ZSCAN16: variants seen among roughly 807,000 people sequenced by gnomAD.
ZSCAN16 encodes the protein zinc finger and SCAN domain-containing protein 16.
ZSCAN16 carries 15 observed loss-of-function variants against 19.4 expected under a neutral mutation model. That is an observed-to-expected ratio of 0.77 (90% CI 0.52 to 1.19). The LOEUF is 1.19. Among genes scored for constraint, ZSCAN16 ranks in the 50% most tolerant of loss-of-function variants. The probability of loss-of-function intolerance (pLI) is 0.00; values close to 1 mark genes in which losing one functional copy is unlikely to be tolerated. For missense variants in ZSCAN16, 327 were observed against 415.7 expected, an observed-to-expected ratio of 0.79 and a Z score of 1.86; for synonymous variants, 138 against 146.5, an observed-to-expected ratio of 0.94 and a Z score of 0.42.
intron 3 of ZSCAN16, 62 bp from the exon 4 acceptor site, chr6:28,129,368 A>G (rs1764987883): frequency 3.5e-5 from 53 of 1,523,588 alleles, no homozygotes; most frequent in Non-Finnish European, 4.5e-5. Flanking sequence ...TCTTTCTTCC[A>G]TAGGCTGTTT....
At chr6:28,127,444 G>A (rs947157382) in intron 3 of ZSCAN16, among the ~76,000 whole-genome samples, 2 of 152,154 alleles carry the variant, frequency 1.3e-5, no homozygotes, top group Non-Finnish European at 2.9e-5. Context: ...CACTCCTGGT[G>A]TCTCTTCCTC....
chr6:28,129,367 C>T, intron 3 of ZSCAN16, 63 bp from the exon 4 acceptor site: 5 of 1,519,602 alleles, frequency 3.3e-6, no homozygotes, highest in South Asian at 2.7e-5. Context: ...TTCTTTCTTC[C>T]ATAGGCTGTT....
chr6:28,129,184 T>A (rs1425768319), intron 3 of ZSCAN16, among the ~76,000 whole-genome samples: 1 of 152,172 alleles, frequency 6.6e-6, no homozygotes, highest in African/African-American at 2.4e-5. Context: ...TTTCTTCTCT[T>A]AATCTACTCT....
rs906976185 is a variant in ZSCAN16, at chr6:28,125,964, T to C, written c.387+134T>C. On this transcript the variant is annotated intron_variant, in intron 2 of 3. Coordinates refer to ENST00000340487, the MANE Select transcript of ZSCAN16 (RefSeq NM_025231.3). This position sits in a 1 kb window ranked among gnomAD's most constrained non-coding sequence, Gnocchi z 6.2. Reference sequence around the variant, plus strand: ...GCATAGGAAGGGACCTGACTACCTATGTCAAATAATTAAAGTGTGGCTGGG... The same window carrying C: ...GCATAGGAAGGGACCTGACTACCTACGTCAAATAATTAAAGTGTGGCTGGG... 5 of 676,590 alleles carry C rather than the reference T, an allele frequency of 7.4e-6. No homozygotes were observed. The highest frequency in any genetic ancestry group is 2.8e-5 in the East Asian group (1 of 36,268). The allele number at this position is 676,590 out of a possible 1,614,324, so 41.9% of individuals were successfully genotyped here. A position where few individuals can be genotyped will look rare whatever the true frequency, so the allele number is the denominator to read the frequency against.
Position 28,129,427 on chromosome 6 carries a change from C to G in ZSCAN16, c.527-3C>G, listed in dbSNP as rs777771536. On this transcript the variant is annotated splice_polypyrimidine_tract_variant and splice_region_variant and intron_variant, in intron 3 of 3. Coordinates refer to ENST00000340487, the MANE Select transcript of ZSCAN16 (RefSeq NM_025231.3). Reference sequence around the variant, plus strand: ...CCGTTTGTGTACTGTTTGTTTGTTACAGGTGATAAAACTAGGACTAAGAAT... The same window carrying G: ...CCGTTTGTGTACTGTTTGTTTGTTAGAGGTGATAAAACTAGGACTAAGAAT... 5 of 1,598,596 alleles carry G rather than the reference C, an allele frequency of 3.1e-6. No homozygotes were observed. Among genetic ancestry groups the G allele is most frequent in the Non-Finnish European group, 3.4e-6 (4 of 1,172,724 alleles).
At position 28,125,414 on chromosome 6, in the gene ZSCAN16, T is replaced by G; in HGVS notation, c.-30T>G. On this transcript the variant is annotated splice_region_variant and 5_prime_UTR_variant, in exon 2 of 4. Transcript: ENST00000340487. The surrounding 1 kb of genome is among the most constrained non-coding windows in gnomAD (Gnocchi z 6.2). ...AGATTCTCTTTGACTCAATCCCAGATAGAGGATAAATCTCCTGGCAAAGCC... is the reference window on the plus strand; with the variant it reads ...AGATTCTCTTTGACTCAATCCCAGAGAGAGGATAAATCTCCTGGCAAAGCC... 6.3e-7 allele frequency: 1 copy of G among 1,591,660 alleles called. No individual in the cohort carries two copies. The highest frequency in any genetic ancestry group is 8.5e-7 in the Non-Finnish European group (1 of 1,169,854).
In ZSCAN16 at chr6:28,125,731, C is replaced by A. The variant is rs1177267799; in HGVS notation, c.288C>A (p.Asp96Glu). ...AGTTCCTGAGCATTCTTCCTAAAGA[C>A]CTGCAAGCATGGGTGCGTGCACACC... ...LEQFLSILPK[D>E]LQAWVRAHHP... Residue 96 changes from aspartate (D) to glutamate (E), a missense_variant, in exon 2 of 4, where the codon GAC (aspartate) becomes GAA (glutamate). Physicochemically the swap from Asp to Glu is conservative, Grantham distance 45. Transcript: ENST00000340487. The surrounding 1 kb of genome is among the most constrained non-coding windows in gnomAD (Gnocchi z 6.2). 5.0e-6 allele frequency: 8 copies of A among 1,614,216 alleles called. No homozygotes were observed. Among genetic ancestry groups the A allele is most frequent in the South Asian group, 1.1e-5 (1 of 91,084 alleles).
chr6:28,127,441 G>A (rs192955156), intron 3 of ZSCAN16, among the ~76,000 whole-genome samples: 1 of 152,174 alleles, frequency 6.6e-6, no homozygotes, highest in African/African-American at 2.4e-5. Flanking sequence ...ACACACTCCT[G>A]GTGTCTCTTC....
Position 28,125,416 on chromosome 6 carries a change from G to T in ZSCAN16, c.-28G>T. The T allele has an allele frequency of 6.3e-7, 1 of 1,592,940 alleles. No individual in the cohort carries two copies. Among genetic ancestry groups the T allele is most frequent in the Non-Finnish European group, 8.5e-7 (1 of 1,170,426 alleles). ...ATTCTCTTTGACTCAATCCCAGATA[G>T]AGGATAAATCTCCTGGCAAAGCCCA... On this transcript the variant is annotated 5_prime_UTR_variant, in exon 2 of 4. Transcript: ENST00000340487. This position sits in a 1 kb window ranked among gnomAD's most constrained non-coding sequence, Gnocchi z 6.2.
At chr6:28,129,240 C>A (rs570786354) in intron 3 of ZSCAN16, 190 bp from the exon 4 acceptor site, 1 of 286,662 alleles carries the variant, frequency 3.5e-6, no homozygotes, top group Non-Finnish European at 5.2e-6. Context: ...TTAATTTCTT[C>A]CTTACATTGT....
In ZSCAN16 at chr6:28,125,522, T is replaced by G. The variant is rs756657160; in HGVS notation, c.79T>G (p.Ser27Ala). 6.2e-7 allele frequency: 1 copy of G among 1,614,192 alleles called. No individual in the cohort carries two copies. Among genetic ancestry groups the G allele is most frequent in the African/African-American group, 1.3e-5 (1 of 75,050 alleles). ...AGAGGACCATTACTGGGGACAGGAT[T>G]CCAGCTCACAAAAGTGCAGTCCTCA... ...KAEDHYWGQD[S>A]SSQKCSPHRR... Residue 27 changes from serine (S) to alanine (A), a missense_variant, in exon 2 of 4, where the codon TCC (serine) becomes GCC (alanine). Ser to Ala is a moderately conservative substitution (Grantham distance 99, BLOSUM62 1). Coordinates refer to ENST00000340487, the MANE Select transcript of ZSCAN16 (RefSeq NM_025231.3). The surrounding 1 kb of genome is among the most constrained non-coding windows in gnomAD (Gnocchi z 6.2).
At position 28,125,553 on chromosome 6, in the gene ZSCAN16, G is replaced by C; in HGVS notation, c.110G>C (p.Arg37Thr). Residue 37 changes from arginine (R) to threonine (T), a missense_variant, in exon 2 of 4, where the codon AGG becomes ACG. Arg to Thr is a moderately conservative substitution (Grantham distance 71). Transcript: ENST00000340487. The surrounding 1 kb of genome is among the most constrained non-coding windows in gnomAD (Gnocchi z 6.2). ...TCACAAAAGTGCAGTCCTCACAGGA[G>C]GGAACTCTATAGACAACACTTCAGG... ...SSSQKCSPHR[R>T]ELYRQHFRKL... is the part of the protein sequence containing the mutation. 5 of 1,614,208 alleles carry C rather than the reference G, an allele frequency of 3.1e-6. No individual in the cohort carries two copies. The highest frequency in any genetic ancestry group is 4.2e-6 in the Non-Finnish European group (5 of 1,180,054).
In ZSCAN16 at chr6:28,124,652, T is replaced by G. The variant is rs1019605757; in HGVS notation, c.-57T>G. ...GGGCTGTCCAAAGGACGCTAGCTGT[T>G]GCACCTGTTCCTCCCTGCGCGTAAG... On this transcript the variant is annotated 5_prime_UTR_variant, in exon 1 of 4. Transcript: ENST00000340487. 6.6e-6 allele frequency: 1 copy of G among 152,262 alleles called. No individual in the cohort carries two copies. The allele number at this position is 152,262 out of a possible 1,614,324, so 9.4% of individuals were successfully genotyped here. A position where few individuals can be genotyped will look rare whatever the true frequency, so the allele number is the denominator to read the frequency against.
Position 28,125,319 on chromosome 6 carries a change from A to C in ZSCAN16, c.-31-94A>C, listed in dbSNP as rs1764864264. 2 of 1,448,358 alleles carry C rather than the reference A, an allele frequency of 1.4e-6. No individual in the cohort carries two copies. Among genetic ancestry groups the C allele is most frequent in the East Asian group, 2.4e-5 (1 of 42,522 alleles). The allele number at this position is 1,448,358 out of a possible 1,614,324, so 89.7% of individuals were successfully genotyped here. ...CATTATGATGTGTTTATGTTCACAG[A>C]AATTTTTGTAATTTCTCTATGGTAA... On this transcript the variant is annotated intron_variant, in intron 1 of 3. Coordinates refer to ENST00000340487, the MANE Select transcript of ZSCAN16 (RefSeq NM_025231.3). This position sits in a 1 kb window ranked among gnomAD's most constrained non-coding sequence, Gnocchi z 6.2.
chr6:28,129,415 G>C lies in ZSCAN16; in HGVS notation c.527-15G>C, dbSNP rs4713140. On this transcript the variant is annotated splice_polypyrimidine_tract_variant and intron_variant, in intron 3 of 3. Transcript: ENST00000340487. ...ATAGAATAGGACCCGTTTGTGTACT[G>C]TTTGTTTGTTACAGGTGATAAAACT... The C allele has an allele frequency of 3.2e-6, 5 of 1,587,116 alleles. No individual in the cohort carries two copies. Among genetic ancestry groups the C allele is most frequent in the Non-Finnish European group, 3.4e-6 (4 of 1,167,696 alleles).
At chr6:28,127,581 G>C (rs1203966234) in intron 3 of ZSCAN16, among the ~76,000 whole-genome samples, 2 of 152,198 alleles carry the variant, frequency 1.3e-5, no homozygotes, top group Non-Finnish European at 2.9e-5. Flanking sequence ...TTCAATGTAT[G>C]AATTTGTGGA....
At chr6:28,127,045 AT>A in intron 3 of ZSCAN16, 124 bp downstream of exon 3, 2 of 838,496 alleles carry the variant, frequency 2.4e-6, no homozygotes, top group Non-Finnish European at 3.3e-6. Context: ...ACTATGGACA[AT>A]TTTATCCTCC....
At chr6:28,129,300 T>A in intron 3 of ZSCAN16, 130 bp from the exon 4 acceptor site, 2 of 1,122,912 alleles carry the variant, frequency 1.8e-6, no homozygotes, top group Non-Finnish European at 1.2e-6. Flanking sequence ...AAATATTTGA[T>A]ATGTGTGTTG....
In ZSCAN16 at chr6:28,125,350, T is replaced by C; in HGVS notation, c.-31-63T>C. On this transcript the variant is annotated intron_variant, in intron 1 of 3. Coordinates refer to ENST00000340487, the MANE Select transcript of ZSCAN16 (RefSeq NM_025231.3). This position sits in a 1 kb window ranked among gnomAD's most constrained non-coding sequence, Gnocchi z 6.2. ...TTGTAATTTCTCTATGGTAACAACTTTTTATGCCTTAGGAGTGTCTCTGAG... is the reference window on the plus strand; with the variant it reads ...TTGTAATTTCTCTATGGTAACAACTCTTTATGCCTTAGGAGTGTCTCTGAG... 1 of 1,506,210 alleles carries C rather than the reference T, an allele frequency of 6.6e-7. No individual in the cohort carries two copies. The highest frequency in any genetic ancestry group is 1.4e-5 in the South Asian group (1 of 72,662). 93.3% of individuals were successfully genotyped at this position (1,506,210 alleles called of 1,614,324 possible).
Sources: allele counts gnomAD v4.1 joint callset (sites outside exome capture counted in the v4.1 genomes callset), GRCh38; gene constraint gnomAD v4.1.1; non-coding constraint Gnocchi (gnomAD v3.1); transcripts MANE v1.5; gene names NCBI Gene and HGNC (gene_info 2026-07-23, HGNC 2026-07-21).